Variants in NF1 observed in about 807,000 individuals in gnomAD.
NF1 encodes neurofibromin 1.
A neutral mutation model predicts 325.7 loss-of-function variants in NF1; 122 were observed. The observed-to-expected ratio is 0.37, with a 90% CI of 0.32 to 0.44. The LOEUF (loss-of-function observed/expected upper bound fraction) is 0.44, where lower values mean the gene tolerates loss of function less well. Among genes scored for constraint, NF1 ranks in the 20% least tolerant of loss-of-function variants. The probability of loss-of-function intolerance (pLI) is 1.00; values close to 1 mark genes in which losing one functional copy is unlikely to be tolerated. For synonymous variants in NF1, 1,091 were observed against 1,186.0 expected (o/e 0.92, Z 1.65); for missense variants, 2,140 against 3,415.4 (o/e 0.63, Z 9.31).
intron 36 of NF1, chr17:31,304,998 A>C (rs2068672307): frequency 6.2e-7 from 1 of 1,614,072 alleles, no homozygotes; most frequent in Non-Finnish European, 8.5e-7. Flanking sequence ...TTAGTATGGC[A>C]GCTATTGAAT....
At chr17:31,224,062 C>T (rs916629522) in intron 16 of NF1, among the ~76,000 whole-genome samples, 1 of 152,108 alleles carries the variant, frequency 6.6e-6, no homozygotes, top group Non-Finnish European at 1.5e-5. Flanking sequence ...CATGGCTAGA[C>T]TAGTCCAGAG....
chr17:31,277,519 C>G (rs2068031585), intron 36 of NF1, among the ~76,000 whole-genome samples: 1 of 152,156 alleles, frequency 6.6e-6, no homozygotes, highest in African/African-American at 2.4e-5. Context: ...GACATCTTGC[C>G]TTTGCCTCTT....
chr17:31,226,376 G>C (rs2151425363), intron 17 of NF1, 59 bp from the exon 18 acceptor site: 1 of 1,449,962 alleles, frequency 6.9e-7, no homozygotes, highest in Non-Finnish European at 9.3e-7. Flanking sequence ...TGCATTGTTA[G>C]ATTTTATACA....
At position 31,181,755 on chromosome 17, in the gene NF1, C is replaced by A; in HGVS notation, c.700C>A (p.Leu234Met). ...AAATTATCCAGATGAATTTACAAAA[C>A]TGTACCAGATCCCACAGACTGATAT... The part of the protein sequence containing the change: ...VENYPDEFTK[L>M]YQIPQTDMAE... The change falls in exon 7 of 58, where the codon CTG (leucine) becomes ATG (methionine). Residue 234 changes from leucine (L) to methionine (M), a missense_variant. Coordinates refer to ENST00000358273, the MANE Select transcript of NF1 (RefSeq NM_001042492.3). The A allele has an allele frequency of 6.2e-7, 1 of 1,604,294 alleles. No homozygotes were observed. Among genetic ancestry groups the A allele is most frequent in the Non-Finnish European group, 8.5e-7 (1 of 1,172,328 alleles).
intron 1 of NF1, among the ~76,000 whole-genome samples, chr17:31,115,324 G>T (rs146822469): frequency 6.6e-6 from 1 of 152,264 alleles, no homozygotes; most frequent in African/African-American, 2.4e-5. Flanking sequence ...GAGAAATTCT[G>T]ATTTAGTGGT....
intron 1 of NF1, among the ~76,000 whole-genome samples, chr17:31,108,204 A>G (rs1281951600): frequency 2.6e-5 from 4 of 151,390 alleles, no homozygotes; most frequent in Non-Finnish European, 5.9e-5. Flanking sequence ...CAGTATACCT[A>G]TCAAAAATGT....
At chr17:31,204,442 A>G (rs2066585089) in intron 11 of NF1, among the ~76,000 whole-genome samples, 1 of 152,128 alleles carries the variant, frequency 6.6e-6, no homozygotes, top group South Asian at 2.1e-4. Flanking sequence ...AAAAAAGAGT[A>G]AGTCTACTTT....
intron 1 of NF1, among the ~76,000 whole-genome samples, chr17:31,098,126 A>C (rs1174559080): frequency 6.7e-6 from 1 of 148,270 alleles, no homozygotes; most frequent in Non-Finnish European, 1.5e-5. Flanking sequence ...TATATATAAA[A>C]TAAATTAATA....
intron 36 of NF1, 91 bp downstream of exon 36, chr17:31,265,430 C>G (rs1414972634): frequency 5.5e-6 from 5 of 908,250 alleles, no homozygotes; most frequent in Non-Finnish European, 9.0e-6. Context: ...TCCCAGTTGA[C>G]TTAACAGGAA....
intron 1 of NF1, among the ~76,000 whole-genome samples, chr17:31,111,268 C>T (rs947135513): frequency 1.3e-5 from 2 of 150,266 alleles, no homozygotes. Flanking sequence ...ACATGTGGAA[C>T]ATTAGTAAAA....
intron 36 of NF1, among the ~76,000 whole-genome samples, chr17:31,313,084 C>T (rs1159226487): frequency 6.6e-6 from 1 of 151,978 alleles, no homozygotes; most frequent in Non-Finnish European, 1.5e-5. Context: ...GTTTTCATGT[C>T]ATCATTATTA....
intron 5 of NF1, among the ~76,000 whole-genome samples, chr17:31,172,957 G>A (rs1272768947): frequency 6.6e-6 from 1 of 152,056 alleles, no homozygotes; most frequent in Non-Finnish European, 1.5e-5. Flanking sequence ...ATTGGGGTAG[G>A]GTAAGGATGG....
intron 1 of NF1, among the ~76,000 whole-genome samples, chr17:31,099,286 C>T (rs1192582168): frequency 1.3e-5 from 2 of 152,146 alleles, no homozygotes; most frequent in East Asian, 3.8e-4. Flanking sequence ...GGATGTGTGC[C>T]ATATTGACAT....
rs530969726 is a variant in NF1, at chr17:31,096,032, A to G, written c.60+663A>G. On this transcript the variant is annotated intron_variant, in intron 1 of 57. Coordinates refer to ENST00000358273, the MANE Select transcript of NF1 (RefSeq NM_001042492.3). The stretch of plus-strand genomic sequence containing the variant: ...GTGATGCCCTACAACGTCGTCCCCC[A>G]TATCCTGATGACACAGACTGCCTTT... Among the ~76,000 whole-genome samples the G allele has an allele frequency of 2.0e-4, 30 of 150,044 alleles. 1 individual carries two copies. In the South Asian group the frequency reaches 5.9e-3, roughly 29 times the overall value.
At chr17:31,208,075 C>T (rs2066655897) in intron 12 of NF1, among the ~76,000 whole-genome samples, 1 of 152,142 alleles carries the variant, frequency 6.6e-6, no homozygotes, top group Non-Finnish European at 1.5e-5. Context: ...TATTTTACTT[C>T]TTAGCCCTAG....
intron 54 of NF1, 149 bp from the exon 55 acceptor site, chr17:31,358,331 A>G: frequency 1.3e-6 from 1 of 790,086 alleles, no homozygotes; most frequent in East Asian, 2.7e-5. Context: ...AAATTTGGAA[A>G]ATGAAGAAAT....
chr17:31,194,890 C>T (rs1262780649), intron 8 of NF1, among the ~76,000 whole-genome samples: 2 of 152,146 alleles, frequency 1.3e-5, no homozygotes, highest in Non-Finnish European at 2.9e-5. Context: ...TCCAGTGCTT[C>T]AGCTTTCTGA....
At chr17:31,317,960 A>T in intron 36 of NF1, 1 of 227,750 alleles carries the variant, frequency 4.4e-6, no homozygotes, top group Non-Finnish European at 8.6e-6. Flanking sequence ...GTTTAATTAC[A>T]TTCAGACAAA....
At chr17:31,233,557 C>T (rs1405821239) in intron 27 of NF1, among the ~76,000 whole-genome samples, 8 of 152,174 alleles carry the variant, frequency 5.3e-5, no homozygotes, top group African/African-American at 1.4e-4. Flanking sequence ...TGCCTGTTTA[C>T]TACCTCCAGT....
Sources: gnomAD v4.1 joint callset for allele counts (sites outside exome capture counted in the v4.1 genomes callset) on GRCh38, gnomAD v4.1.1 for gene constraint, MANE v1.5 for transcripts, NCBI Gene and HGNC (gene_info 2026-07-23, HGNC 2026-07-21) for gene names.